ASB3: variants seen among roughly 807,000 people sequenced by gnomAD.
ASB3 encodes ankyrin repeat and SOCS box containing 3.
A neutral mutation model predicts 54.5 loss-of-function variants in ASB3; 41 were observed. The observed-to-expected ratio is 0.75, with a 90% CI of 0.59 to 0.98. The LOEUF (loss-of-function observed/expected upper bound fraction) is 0.98, where lower values mean the gene tolerates loss of function less well. Among genes scored for constraint, ASB3 ranks in the 50% least tolerant of loss-of-function variants. ASB3 has a pLI of 0.00. For synonymous variants in ASB3, 266 were observed against 221.2 expected, an observed-to-expected ratio of 1.20 and a Z score of -1.80; for missense variants, 733 against 620.0, an observed-to-expected ratio of 1.18 and a Z score of -1.94.
chr2:53,673,939 A>C (rs1379769660), intron 9 of ASB3, among the ~76,000 whole-genome samples: 1 of 152,128 alleles, frequency 6.6e-6, no homozygotes, highest in Non-Finnish European at 1.5e-5. Context: ...TTATTAACAC[A>C]GACAATAATA....
chr2:53,758,770 G>T (rs1672978204), intron 2 of ASB3, among the ~76,000 whole-genome samples: 1 of 152,232 alleles, frequency 6.6e-6, no homozygotes, highest in Admixed American at 6.5e-5. Context: ...TAGTCCTCTG[G>T]GATAATGCTC....
chr2:53,689,789 CTTCATTT>C (rs1319666118), intron 9 of ASB3, among the ~76,000 whole-genome samples: 2 of 152,152 alleles, frequency 1.3e-5, no homozygotes, highest in Non-Finnish European at 2.9e-5. Flanking sequence ...ACAGATCAAC[CTTCATTT>C]TTCATTTTTC....
At chr2:53,688,687 G>C (rs1479855282) in intron 9 of ASB3, among the ~76,000 whole-genome samples, 3 of 151,880 alleles carry the variant, frequency 2.0e-5, no homozygotes, top group Admixed American at 6.6e-5. Flanking sequence ...CACAGGAACA[G>C]AAAACCAAAC....
At chr2:53,765,307 G>A (rs1673377430) in intron 2 of ASB3, 70 bp downstream of exon 2, 3 of 1,587,716 alleles carry the variant, frequency 1.9e-6, no homozygotes, top group Non-Finnish European at 2.6e-6. Context: ...AATAAGTTAT[G>A]TATTATACTT....
chr2:53,758,398 G>C (rs1672956531), intron 2 of ASB3, among the ~76,000 whole-genome samples: 2 of 152,346 alleles, frequency 1.3e-5, no homozygotes, highest in Non-Finnish European at 2.9e-5. Context: ...AAAGGCCCTA[G>C]TGGGCAAAAA....
chr2:53,754,945 G>A (rs1558561588), intron 2 of ASB3, among the ~76,000 whole-genome samples: 2 of 152,140 alleles, frequency 1.3e-5, no homozygotes, highest in South Asian at 2.1e-4. Flanking sequence ...TATCTACCTT[G>A]TACTGGACCA....
intron 2 of ASB3, among the ~76,000 whole-genome samples, chr2:53,756,411 G>A (rs910827238): frequency 1.3e-5 from 2 of 152,194 alleles, no homozygotes; most frequent in Non-Finnish European, 1.5e-5. Flanking sequence ...CAATTTAGCA[G>A]TATCTATAAA....
chr2:53,748,812 C>CA lies in ASB3; in HGVS notation c.355+1970_355+1971insT, dbSNP rs557855254. Among the ~76,000 whole-genome samples the CA allele has an allele frequency of 1.2e-4, 19 of 152,210 alleles. No individual in the cohort carries two copies. In the East Asian group the frequency reaches 3.1e-3, roughly 25 times the overall value. On this transcript the variant is annotated intron_variant, in intron 3 of 9. Coordinates refer to ENST00000263634, the MANE Select transcript of ASB3 (RefSeq NM_016115.5). ...TCTTGGATTCATCACGGACCAAAATCTTTTTTTCTGTTGCTATAAAAGACA... is the reference window on the plus strand; with the variant it reads ...TCTTGGATTCATCACGGACCAAAATCATTTTTTTCTGTTGCTATAAAAGACA...
chr2:53,774,248 T>C (rs1217789781), intron 1 of ASB3: 3 of 1,614,150 alleles, frequency 1.9e-6, no homozygotes, highest in African/African-American at 2.7e-5. Context: ...ACAACAGTCA[T>C]TTTTTATCCA....
chr2:53,786,237 T>G (rs977296174), intron 1 of ASB3: 2 of 152,146 alleles, frequency 1.3e-5, no homozygotes, highest in Non-Finnish European at 2.9e-5. Flanking sequence ...ACTTAGTTCA[T>G]AAACACACAC....
chr2:53,781,020 T>C (rs761412245), intron 1 of ASB3, among the ~76,000 whole-genome samples: 2 of 152,194 alleles, frequency 1.3e-5, no homozygotes, highest in Non-Finnish European at 2.9e-5. Flanking sequence ...GTAAAACAAA[T>C]GTAGTATCAT....
intron 1 of ASB3, among the ~76,000 whole-genome samples, chr2:53,776,599 T>A (rs1489272498): frequency 6.6e-6 from 1 of 152,078 alleles, no homozygotes; most frequent in East Asian, 1.9e-4. Context: ...GAAGGGAGGA[T>A]CACTTCAGGT....
At chr2:53,785,809 T>C (rs1474096201) in intron 1 of ASB3, among the ~76,000 whole-genome samples, 3 of 152,228 alleles carry the variant, frequency 2.0e-5, no homozygotes, top group African/African-American at 7.2e-5. Context: ...GCCTCTGCAC[T>C]CCAGCCTGGG....
chr2:53,748,510 G>A (rs560307613), intron 3 of ASB3: 4 of 152,174 alleles, frequency 2.6e-5, no homozygotes, highest in South Asian at 2.1e-4. Context: ...AATACTTTTC[G>A]CATATTCAAA....
intron 3 of ASB3, among the ~76,000 whole-genome samples, chr2:53,733,411 G>T: frequency 6.7e-6 from 1 of 149,068 alleles, no homozygotes; most frequent in East Asian, 2.0e-4. Context: ...TTTCATCTGT[G>T]TCCTTTCCCT....
intron 3 of ASB3, among the ~76,000 whole-genome samples, chr2:53,744,782 T>C (rs187976960): frequency 5.9e-5 from 9 of 152,368 alleles, no homozygotes; most frequent in Admixed American, 5.9e-4. Flanking sequence ...AATCACATGG[T>C]GGTTTGTTCA....
chr2:53,727,813 C>T (rs1354025403), intron 5 of ASB3, among the ~76,000 whole-genome samples: 1 of 152,154 alleles, frequency 6.6e-6, no homozygotes, highest in Non-Finnish European at 1.5e-5. Context: ...GCAACCTCTG[C>T]CTCCCAGGTT....
At chr2:53,692,365 T>C (rs895792448) in intron 9 of ASB3, among the ~76,000 whole-genome samples, 9 of 152,186 alleles carry the variant, frequency 5.9e-5, no homozygotes, top group East Asian at 3.9e-4. Flanking sequence ...CAAAAGATAG[T>C]TGGGATAAAT....
intron 7 of ASB3, among the ~76,000 whole-genome samples, chr2:53,710,755 T>C (rs562912209): frequency 6.6e-6 from 1 of 152,344 alleles, no homozygotes; most frequent in African/African-American, 2.4e-5. Context: ...TTGACTTTCC[T>C]GCTTTAAGCT....
Sources: gnomAD v4.1 joint callset for allele counts (sites outside exome capture counted in the v4.1 genomes callset) on GRCh38, gnomAD v4.1.1 for gene constraint, MANE v1.5 for transcripts, NCBI Gene and HGNC (gene_info 2026-07-23, HGNC 2026-07-21) for gene names.